VWA8: variants seen among roughly 807,000 people sequenced by gnomAD.
The protein encoded by VWA8 is von Willebrand factor A domain containing 8.
VWA8 carries 221 observed loss-of-function variants against 241.5 expected under a neutral mutation model. The observed-to-expected ratio is 0.91, with a 90% CI of 0.82 to 1.02. The LOEUF (loss-of-function observed/expected upper bound fraction) is 1.02. Among genes scored for constraint, VWA8 ranks in the 50% least tolerant of loss-of-function variants. The pLI, the probability that VWA8 is intolerant of heterozygous loss-of-function variation, is 0.00. For synonymous variants in VWA8, 852 were observed against 827.1 expected (o/e 1.03, Z -0.52); for missense variants, 2,322 against 2,328.7 (o/e 1.00, Z 0.06).
intron 12 of VWA8, among the ~76,000 whole-genome samples, chr13:41,863,123 C>G (rs1028314726): frequency 7.7e-4 from 117 of 151,900 alleles, no homozygotes; most frequent in Non-Finnish European, 1.9e-4. Flanking sequence ...ATCTGGTGGG[C>G]ATCATCTAAT....
chr13:41,758,386 ATATATACGCTAG>A (rs1430267029), intron 21 of VWA8, among the ~76,000 whole-genome samples: 2,002 of 18,510 alleles, frequency 0.11, 276 homozygotes, highest in South Asian at 0.23. Flanking sequence ...ATATATATAT[ATATATACGCTAG>A]TATATATATA....
intron 37 of VWA8, among the ~76,000 whole-genome samples, chr13:41,643,639 G>A (rs1199082037): frequency 2.0e-5 from 3 of 152,180 alleles, no homozygotes; most frequent in Non-Finnish European, 4.4e-5. Context: ...CTTAATGAAC[G>A]CCAGTGTAGT....
In VWA8 at chr13:41,865,901, C is replaced by G; in HGVS notation, c.1347+1G>C. ...GTCTGCAGTGAGACTGTCATTCTTA[C>G]CTTTCCTCCAATTAAACATATATCT... On this transcript the variant is annotated splice_donor_variant, in intron 11 of 44. Coordinates refer to ENST00000379310, the MANE Select transcript of VWA8 (RefSeq NM_015058.2). LOFTEE classifies it high-confidence loss of function. 1 of 1,614,172 alleles carries G rather than the reference C, an allele frequency of 6.2e-7. No homozygotes were observed. The highest frequency in any genetic ancestry group is 1.1e-5 in the South Asian group (1 of 91,084).
intron 12 of VWA8, among the ~76,000 whole-genome samples, chr13:41,845,177 CA>C (rs1872232131): frequency 6.6e-6 from 1 of 151,864 alleles, no homozygotes; most frequent in African/African-American, 2.4e-5. Flanking sequence ...TACAAGTGGC[CA>C]AAAAACATAC....
chr13:41,812,556 A>G (rs1395084470), intron 16 of VWA8, among the ~76,000 whole-genome samples: 1 of 152,148 alleles, frequency 6.6e-6, no homozygotes, highest in Non-Finnish European at 1.5e-5. Context: ...TCAAAGACAC[A>G]CTGCACATTT....
intron 6 of VWA8, 48 bp from the exon 7 acceptor site, chr13:41,886,878 A>C (rs1267754996): frequency 6.4e-6 from 9 of 1,401,732 alleles, no homozygotes; most frequent in Non-Finnish European, 7.8e-6. Context: ...GAAATGTAAC[A>C]GATTAAATGC....
intron 7 of VWA8, 134 bp from the exon 8 acceptor site, chr13:41,886,162 C>G: frequency 1.6e-6 from 1 of 633,328 alleles, no homozygotes; most frequent in South Asian, 2.3e-5. Flanking sequence ...AACAATGGTT[C>G]CGCATCATAA....
chr13:41,697,249 C>T (rs2045221104), intron 29 of VWA8, among the ~76,000 whole-genome samples: 1 of 152,192 alleles, frequency 6.6e-6, no homozygotes, highest in Non-Finnish European at 1.5e-5. Flanking sequence ...TGCTTATGAG[C>T]CCCATCCTCC....
intron 4 of VWA8, among the ~76,000 whole-genome samples, chr13:41,894,007 G>A (rs1299127457): frequency 6.6e-6 from 1 of 152,058 alleles, no homozygotes; most frequent in African/African-American, 2.4e-5. Flanking sequence ...ATAATCTAGG[G>A]TAATATTATT....
chr13:41,750,936 G>C (rs2045651653), intron 21 of VWA8, among the ~76,000 whole-genome samples: 1 of 150,790 alleles, frequency 6.6e-6, no homozygotes, highest in African/African-American at 2.4e-5. Context: ...TTAGAACACA[G>C]GGCTGAAGCC....
At chr13:41,696,687 C>T (rs1416853478) in intron 29 of VWA8, among the ~76,000 whole-genome samples, 1 of 152,168 alleles carries the variant, frequency 6.6e-6, no homozygotes. Context: ...GTAATGTAAG[C>T]AATCTCTTAC....
intron 37 of VWA8, among the ~76,000 whole-genome samples, chr13:41,655,835 T>C (rs777568846): frequency 2.0e-5 from 3 of 152,254 alleles, no homozygotes; most frequent in East Asian, 1.9e-4. Context: ...TATCTATCTA[T>C]CTAAATATTT....
chr13:41,656,750 G>C (rs1285467759), intron 37 of VWA8, among the ~76,000 whole-genome samples: 1 of 152,186 alleles, frequency 6.6e-6, no homozygotes, highest in Non-Finnish European at 1.5e-5. Flanking sequence ...GACAATTCAA[G>C]TAAATCTGAA....
intron 17 of VWA8, among the ~76,000 whole-genome samples, chr13:41,795,690 A>C (rs73183388): frequency 7.7e-4 from 118 of 152,352 alleles, no homozygotes; most frequent in Non-Finnish European, 1.5e-3. Context: ...AAAATAACAC[A>C]GGAACAGAGA....
intron 37 of VWA8, among the ~76,000 whole-genome samples, chr13:41,616,900 C>T (rs1222225531): frequency 6.6e-6 from 1 of 152,278 alleles, no homozygotes; most frequent in Non-Finnish European, 1.5e-5. Context: ...TCTAGATGTA[C>T]TCCATGAGAA....
intron 2 of VWA8, among the ~76,000 whole-genome samples, chr13:41,940,202 A>G (rs965665140): frequency 1.3e-5 from 2 of 152,180 alleles, no homozygotes; most frequent in Admixed American, 6.6e-5. Context: ...AGAGGATAAT[A>G]ATTGCTGAAG....
intron 37 of VWA8, among the ~76,000 whole-genome samples, chr13:41,634,112 C>T (rs1196828668): frequency 6.6e-6 from 1 of 152,114 alleles, no homozygotes; most frequent in African/African-American, 2.4e-5. Flanking sequence ...GTGGCTTGGT[C>T]AGCAGGCAAT....
rs534694090 is a variant in VWA8 at position 41,754,385 on chromosome 13, G to A, written c.2426+6743C>T. On this transcript the variant is annotated intron_variant, in intron 21 of 44. Transcript: ENST00000379310. Reference sequence around the variant, plus strand: ...CTGCCATGATTGTGAGGCCTCTCCAGCCACATGGAACTGTAAGTCCAATAA... The same window carrying A: ...CTGCCATGATTGTGAGGCCTCTCCAACCACATGGAACTGTAAGTCCAATAA... 1.2e-3 allele frequency among the ~76,000 whole-genome samples: 188 copies of A among 152,258 alleles called. 1 individual carries two copies. Among genetic ancestry groups the A allele is most frequent in the Non-Finnish European group, 1.8e-3 (124 of 68,014 alleles).
chr13:41,831,962 C>G (rs1331908283), intron 13 of VWA8, among the ~76,000 whole-genome samples: 1 of 148,492 alleles, frequency 6.7e-6, no homozygotes, highest in African/African-American at 2.5e-5. Context: ...GACAGAGTCT[C>G]GCTCTGTCAC....
Sources: gnomAD v4.1 joint callset for allele counts (sites outside exome capture counted in the v4.1 genomes callset) on GRCh38, gnomAD v4.1.1 for gene constraint, MANE v1.5 for transcripts, NCBI Gene and HGNC (gene_info 2026-07-23, HGNC 2026-07-21) for gene names.